NKAIN3: variants seen among roughly 807,000 people sequenced by gnomAD.
The protein encoded by NKAIN3 is sodium/potassium-transporting ATPase subunit beta-1-interacting protein 3.
NKAIN3 carries 25 observed loss-of-function variants against 30.2 expected under a neutral mutation model. The observed-to-expected ratio is 0.83, with a 90% CI of 0.60 to 1.16. The LOEUF (loss-of-function observed/expected upper bound fraction) is 1.16, where lower values mean the gene tolerates loss of function less well. NKAIN3 is among the 50% of genes most tolerant of loss of function. The probability of loss-of-function intolerance (pLI) is 0.00; values close to 1 mark genes in which losing one functional copy is unlikely to be tolerated. For synonymous variants in NKAIN3, 91 were observed against 89.6 expected, an observed-to-expected ratio of 1.02 and a Z score of -0.09; for missense variants, 225 against 254.1, an observed-to-expected ratio of 0.89 and a Z score of 0.78.
chr8:62,557,355 G>A (rs2129962600), intron 1 of NKAIN3, among the ~76,000 whole-genome samples: 1 of 152,136 alleles, frequency 6.6e-6, no homozygotes, highest in Admixed American at 6.5e-5. Context: ...GAATTGTGCT[G>A]CTATAAACAT....
chr8:62,616,190 T>G (rs2101047), intron 3 of NKAIN3, among the ~76,000 whole-genome samples: 1 of 151,912 alleles, frequency 6.6e-6, no homozygotes, highest in South Asian at 2.1e-4. Flanking sequence ...CAAATGGAGG[T>G]CCAACAACTC....
intron 1 of NKAIN3, among the ~76,000 whole-genome samples, chr8:62,397,019 T>C (rs1817786763): frequency 6.6e-6 from 1 of 152,174 alleles, no homozygotes; most frequent in South Asian, 2.1e-4. Flanking sequence ...ATTTAGGATA[T>C]TGGGATATGT....
intron 1 of NKAIN3, among the ~76,000 whole-genome samples, chr8:62,309,822 A>T (rs1814369811): frequency 6.6e-6 from 1 of 150,544 alleles, no homozygotes; most frequent in South Asian, 2.1e-4. Context: ...GAAACTTTTG[A>T]CATACCAGTA....
intron 3 of NKAIN3, among the ~76,000 whole-genome samples, chr8:62,633,714 C>T (rs1260905054): frequency 6.6e-6 from 1 of 152,186 alleles, no homozygotes; most frequent in Non-Finnish European, 1.5e-5. Flanking sequence ...TCATGGACCC[C>T]TCCAACTTCA....
At chr8:62,816,315 A>G (rs192585127) in intron 4 of NKAIN3, among the ~76,000 whole-genome samples, 1 of 152,192 alleles carries the variant, frequency 6.6e-6, no homozygotes, top group East Asian at 1.9e-4. Flanking sequence ...GGTGTATACA[A>G]TTGTCTCCAT....
At chr8:62,522,590 G>A (rs1808192857) in intron 1 of NKAIN3, among the ~76,000 whole-genome samples, 1 of 152,000 alleles carries the variant, frequency 6.6e-6, no homozygotes, top group Non-Finnish European at 1.5e-5. Flanking sequence ...CCTTCCAGTG[G>A]GACAGGATGT....
intron 5 of NKAIN3, among the ~76,000 whole-genome samples, chr8:62,997,755 T>TTTA (rs201520343): frequency 1.6e-4 from 24 of 145,566 alleles, no homozygotes; most frequent in African/African-American, 6.0e-4. Context: ...CTCTTTTCTT[T>TTTA]AAAAAAAAAA....
intron 5 of NKAIN3, among the ~76,000 whole-genome samples, chr8:62,997,198 C>T (rs1195983954): frequency 6.6e-6 from 1 of 152,148 alleles, no homozygotes; most frequent in Admixed American, 6.5e-5. Context: ...CCCCACCCCA[C>T]CCAGCTTTGG....
At chr8:62,643,995 T>C (rs983783986) in intron 3 of NKAIN3, among the ~76,000 whole-genome samples, 1 of 152,098 alleles carries the variant, frequency 6.6e-6, no homozygotes, top group Non-Finnish European at 1.5e-5. Flanking sequence ...CCATGCTCTC[T>C]GGGTTCCAGT....
At chr8:62,295,650 A>G (rs754914428) in intron 1 of NKAIN3, among the ~76,000 whole-genome samples, 1 of 152,202 alleles carries the variant, frequency 6.6e-6, no homozygotes, top group Non-Finnish European at 1.5e-5. Context: ...ATAAAATAAG[A>G]TCACTTTATC....
intron 1 of NKAIN3, among the ~76,000 whole-genome samples, chr8:62,472,628 A>T (rs1051334488): frequency 6.6e-6 from 1 of 152,172 alleles, no homozygotes; most frequent in African/African-American, 2.4e-5. Context: ...GGGATCCAAG[A>T]AAAATGCCAT....
intron 1 of NKAIN3, among the ~76,000 whole-genome samples, chr8:62,341,932 A>G (rs1815760847): frequency 6.6e-6 from 1 of 152,004 alleles, no homozygotes; most frequent in Non-Finnish European, 1.5e-5. Context: ...TTTTGTATGT[A>G]AATTTTTATT....
At chr8:62,561,709 C>G (rs1171623538) in intron 1 of NKAIN3, among the ~76,000 whole-genome samples, 1 of 152,110 alleles carries the variant, frequency 6.6e-6, no homozygotes, top group East Asian at 1.9e-4. Flanking sequence ...TAATGAGATA[C>G]TGTACATAAT....
At chr8:62,940,906 C>A (rs1260364869) in intron 5 of NKAIN3, among the ~76,000 whole-genome samples, 2 of 149,572 alleles carry the variant, frequency 1.3e-5, no homozygotes, top group Non-Finnish European at 1.5e-5. Flanking sequence ...GAAGAAATAA[C>A]AATGATCAGA....
At chr8:62,404,459 G>A (rs1340535679) in intron 1 of NKAIN3, among the ~76,000 whole-genome samples, 1 of 152,112 alleles carries the variant, frequency 6.6e-6, no homozygotes, top group Non-Finnish European at 1.5e-5. Flanking sequence ...TTGAATCACT[G>A]GGGTGGTTTC....
intron 1 of NKAIN3, among the ~76,000 whole-genome samples, chr8:62,519,692 C>T (rs1422786781): frequency 2.0e-5 from 3 of 152,144 alleles, no homozygotes; most frequent in African/African-American, 7.2e-5. Context: ...GGCCTTTTCT[C>T]AATACTAATC....
At chr8:62,872,716 A>T (rs956681493) in intron 4 of NKAIN3, among the ~76,000 whole-genome samples, 2 of 152,210 alleles carry the variant, frequency 1.3e-5, no homozygotes, top group Non-Finnish European at 2.9e-5. Flanking sequence ...CCCTCAGTCA[A>T]GAGAGAGTGA....
At chr8:62,404,146 T>G (rs914714507) in intron 1 of NKAIN3, among the ~76,000 whole-genome samples, 7 of 152,250 alleles carry the variant, frequency 4.6e-5, no homozygotes, top group African/African-American at 1.7e-4. Context: ...ATTTACCCAA[T>G]GCCTGTAACC....
intron 4 of NKAIN3, among the ~76,000 whole-genome samples, chr8:62,833,122 G>GA (rs1170718973): frequency 6.6e-6 from 1 of 151,928 alleles, no homozygotes; most frequent in African/African-American, 2.4e-5. Flanking sequence ...AGGCAGAAAT[G>GA]AAAAAATTCT....
Sources: gnomAD v4.1 joint callset for allele counts (sites outside exome capture counted in the v4.1 genomes callset) on GRCh38, gnomAD v4.1.1 for gene constraint, MANE v1.5 for transcripts, NCBI Gene and HGNC (gene_info 2026-07-23, HGNC 2026-07-21) for gene names.